The following AHCYL2 variants were observed in gnomAD, a reference collection of about 807,000 sequenced individuals.
The protein encoded by AHCYL2 is S-adenosylhomocysteine hydrolase-like protein 2.
AHCYL2 carries 28 observed loss-of-function variants against 81.4 expected under a neutral mutation model. That is an observed-to-expected ratio of 0.34 (90% CI 0.25 to 0.47). AHCYL2 has a LOEUF of 0.47. Ranked by LOEUF, AHCYL2 falls within the 20% of genes least tolerant of loss-of-function variation. The pLI, the probability that AHCYL2 is intolerant of heterozygous loss-of-function variation, is 1.00. For missense variants in AHCYL2, 551 were observed against 785.1 expected (o/e 0.70, Z 3.56); for synonymous variants, 272 against 290.2 (o/e 0.94, Z 0.64).
chr7:129,274,688 C>T (rs1796136964), intron 1 of AHCYL2, among the ~76,000 whole-genome samples: 1 of 152,106 alleles, frequency 6.6e-6, no homozygotes. Context: ...TCTTGGACTG[C>T]TTGCACATAG....
At chr7:129,420,654 CT>C (rs1331420934) in intron 12 of AHCYL2, among the ~76,000 whole-genome samples, 255 of 142,930 alleles carry the variant, frequency 1.8e-3, no homozygotes, top group African/African-American at 2.7e-3. Context: ...TAATTCTGTT[CT>C]TTTTTTTTTT....
chr7:129,284,702 A>C (rs1156545443), intron 1 of AHCYL2, among the ~76,000 whole-genome samples: 1 of 151,946 alleles, frequency 6.6e-6, no homozygotes, highest in Non-Finnish European at 1.5e-5. Flanking sequence ...TCTCTTGGAG[A>C]ATTCTAGCTT....
At chr7:129,345,115 A>C (rs187959837) in intron 1 of AHCYL2, among the ~76,000 whole-genome samples, 2,439 of 152,254 alleles carry the variant, frequency 0.016, 66 homozygotes, top group African/African-American at 0.055. Context: ...AGATCATGCC[A>C]CTGCACTCCA....
intron 1 of AHCYL2, among the ~76,000 whole-genome samples, chr7:129,354,575 C>CT (rs750597118): frequency 2.1e-4 from 32 of 152,306 alleles, no homozygotes; most frequent in Non-Finnish European, 2.1e-4. Flanking sequence ...TAATGGTAGT[C>CT]TGCCTATGTA....
At chr7:129,292,424 T>G (rs1796898844) in intron 1 of AHCYL2, among the ~76,000 whole-genome samples, 1 of 152,208 alleles carries the variant, frequency 6.6e-6, no homozygotes, top group African/African-American at 2.4e-5. Flanking sequence ...GGGCTATATA[T>G]CATTCCTTTC....
At chr7:129,360,497 G>A (rs1431086321) in intron 1 of AHCYL2, among the ~76,000 whole-genome samples, 1 of 152,180 alleles carries the variant, frequency 6.6e-6, no homozygotes, top group Non-Finnish European at 1.5e-5. Context: ...TACAAAAATA[G>A]GACATATAAC....
chr7:129,276,760 C>G (rs1374156052), intron 1 of AHCYL2, among the ~76,000 whole-genome samples: 1 of 134,050 alleles, frequency 7.5e-6, no homozygotes, highest in Non-Finnish European at 1.6e-5. Context: ...AAGAAAAAAA[C>G]CACAAAGATA....
intron 1 of AHCYL2, among the ~76,000 whole-genome samples, chr7:129,361,240 C>G (rs1793921053): frequency 6.6e-6 from 1 of 152,168 alleles, no homozygotes; most frequent in African/African-American, 2.4e-5. Context: ...GTTCTTCCCT[C>G]TATTTGGAAT....
intron 1 of AHCYL2, among the ~76,000 whole-genome samples, chr7:129,266,965 T>G (rs1295216277): frequency 6.6e-6 from 1 of 152,106 alleles, no homozygotes; most frequent in East Asian, 1.9e-4. Flanking sequence ...TTTTTTTTTT[T>G]GCCCACTAAA....
intron 1 of AHCYL2, among the ~76,000 whole-genome samples, chr7:129,235,147 C>T (rs956229302): frequency 2.6e-5 from 4 of 152,130 alleles, no homozygotes; most frequent in African/African-American, 9.7e-5. Flanking sequence ...GACCTCTTAG[C>T]AGCATTTGAC....
intron 1 of AHCYL2, among the ~76,000 whole-genome samples, chr7:129,277,278 CTT>C (rs1554473463): frequency 3.5e-3 from 472 of 135,740 alleles, no homozygotes; most frequent in African/African-American, 0.012. Context: ...AAGTCTCTCT[CTT>C]TTTTTTTTTT....
At chr7:129,309,158 G>A (rs554161314) in intron 1 of AHCYL2, among the ~76,000 whole-genome samples, 4 of 152,296 alleles carry the variant, frequency 2.6e-5, no homozygotes, top group African/African-American at 7.2e-5. Flanking sequence ...CTTGAACCCA[G>A]GAGGTGGAGG....
intron 15 of AHCYL2, 140 bp downstream of exon 15, chr7:129,425,281 A>C (rs1399715838): frequency 1.4e-6 from 1 of 709,236 alleles, no homozygotes. Flanking sequence ...TAGGATTCCT[A>C]GGTGCCATTC....
In AHCYL2 at chr7:129,347,548, C is replaced by CT. The variant is rs1173769010; in HGVS notation, c.364-32089dup. 9.8e-5 allele frequency among the ~76,000 whole-genome samples: 15 copies of CT among 152,312 alleles called. 1 individual carries two copies. The East Asian group carries it at 2.9e-3, about 29-fold the overall frequency. On this transcript the variant is annotated intron_variant, in intron 1 of 16. Transcript: ENST00000325006. ...GGTCTAAATTCAGAATCACCCTCAG[C>CT]TGTATAGGTATTTATGTGTTCACTT...
chr7:129,426,674 G>A lies in AHCYL2; in HGVS notation c.1829+111G>A. 1 of 1,435,252 alleles carries A rather than the reference G, an allele frequency of 7.0e-7. No individual in the cohort carries two copies. The highest frequency in any genetic ancestry group is 9.3e-7 in the Non-Finnish European group (1 of 1,075,000). The allele number at this position is 1,435,252 out of a possible 1,614,324, so 88.9% of individuals were successfully genotyped here. ...TATGCTTACATGAACTCAGAAAAAT[G>A]AACCCACTTCCCCTCACTGCCACCT... On this transcript the variant is annotated intron_variant, in intron 16 of 16. Transcript: ENST00000325006. The surrounding 1 kb of genome is among the most constrained non-coding windows in gnomAD (Gnocchi z 4.3).
chr7:129,380,097 A>G (rs1301226306), intron 2 of AHCYL2, among the ~76,000 whole-genome samples: 1 of 152,110 alleles, frequency 6.6e-6, no homozygotes, highest in Non-Finnish European at 1.5e-5. Flanking sequence ...TTTGAAAATA[A>G]AAAAGAAATT....
At chr7:129,375,873 C>T in intron 1 of AHCYL2, 1 of 1,536,060 alleles carries the variant, frequency 6.5e-7, no homozygotes, top group South Asian at 1.2e-5. Flanking sequence ...TGTCACTATG[C>T]TGGGCAGCAA....
intron 1 of AHCYL2, among the ~76,000 whole-genome samples, chr7:129,258,249 T>C (rs1235305553): frequency 7.1e-6 from 1 of 140,808 alleles, no homozygotes; most frequent in Non-Finnish European, 1.6e-5. Context: ...TTTTTTTGCC[T>C]TTAAAAGGAA....
chr7:129,389,958 T>G (rs1795388358), intron 4 of AHCYL2, among the ~76,000 whole-genome samples: 1 of 152,190 alleles, frequency 6.6e-6, no homozygotes, highest in South Asian at 2.1e-4. Flanking sequence ...CAGCTAGAAA[T>G]CACAGAGTCA....
Sources: allele counts gnomAD v4.1 joint callset (sites outside exome capture counted in the v4.1 genomes callset), GRCh38; gene constraint gnomAD v4.1.1; non-coding constraint Gnocchi (gnomAD v3.1); transcripts MANE v1.5; gene names NCBI Gene and HGNC (gene_info 2026-07-23, HGNC 2026-07-21).